Variants in FAM220A observed in about 807,000 individuals in gnomAD.
FAM220A encodes the protein protein FAM220A.
For synonymous variants in FAM220A, 141 were observed against 130.7 expected, an observed-to-expected ratio of 1.08 and a Z score of -0.54; for missense variants, 392 against 321.6, an observed-to-expected ratio of 1.22 and a Z score of -1.68.
chr7:6,342,419 C>G (rs12056244), intron 1 of FAM220A, among the ~76,000 whole-genome samples: 1 of 151,934 alleles, frequency 6.6e-6, no homozygotes, highest in African/African-American at 2.4e-5. Flanking sequence ...GTGGTAGGCA[C>G]CTGTAATCCC....
intron 1 of FAM220A, among the ~76,000 whole-genome samples, chr7:6,335,835 G>C (rs1277156953): frequency 6.6e-6 from 1 of 152,036 alleles, no homozygotes; most frequent in Non-Finnish European, 1.5e-5. Flanking sequence ...AGGGGTGTGA[G>C]ACCAGCCTGG....
rs375783206 is a variant in FAM220A at position 6,330,948 on chromosome 7, C to A, written c.207G>T (p.Pro69=). The change falls in exon 2 of 2, where the codon CCG becomes CCT. Residue 69 remains proline (P), a synonymous_variant. Transcript: ENST00000313324. ...EALSLEMRKD[P]SGAGLWLHSG... is the part of the protein sequence containing the mutation. Reference sequence around the variant, plus strand: ...TGTGAAGCCAGAGGCCAGCCCCGCTCGGATCCTTTCTCATTTCCAGTGATA... The same window carrying A: ...TGTGAAGCCAGAGGCCAGCCCCGCTAGGATCCTTTCTCATTTCCAGTGATA... The A allele has an allele frequency of 1.2e-6, 2 of 1,614,246 alleles. No homozygotes were observed. The highest frequency in any genetic ancestry group is 2.2e-5 in the South Asian group (2 of 91,084).
Position 6,330,401 on chromosome 7 carries a change from A to G in FAM220A, c.754T>C (p.Leu252=). The G allele has an allele frequency of 6.2e-7, 1 of 1,613,450 alleles. No individual in the cohort carries two copies. Among genetic ancestry groups the G allele is most frequent in the South Asian group, 1.1e-5 (1 of 90,966 alleles). Residue 252 remains leucine, a synonymous_variant, in exon 2 of 2, where the codon TTA becomes CTA. Transcript: ENST00000313324. The part of the protein sequence containing the change: ...LGLLALQPFE[L]ANTLCHS ...TAACTATGGCATAATGTATTTGCTA[A>G]TTCAAAAGGTTGCAGAGCCAGTAAC...
In FAM220A at chr7:6,331,004, C is replaced by A; in HGVS notation, c.151G>T (p.Val51Leu). 1 of 1,614,220 alleles carries A rather than the reference C, an allele frequency of 6.2e-7. No individual in the cohort carries two copies. The highest frequency in any genetic ancestry group is 8.5e-7 in the Non-Finnish European group (1 of 1,180,050). The change falls in exon 2 of 2, where the codon GTG becomes TTG. Residue 51 changes from valine to leucine, a missense_variant. Coordinates refer to ENST00000313324, the MANE Select transcript of FAM220A (RefSeq NM_001037163.2). The stretch of plus-strand genomic sequence containing the variant: ...TCACTTTGTGAATTTCCATCAACCA[C>A]AGGCTTATTCATCCAGGAGGGTGCA... ...ADAPSWMNKP[V>L]VDGNSQSEAL...
intron 1 of FAM220A, among the ~76,000 whole-genome samples, chr7:6,339,545 G>A (rs867963328): frequency 6.7e-5 from 10 of 150,014 alleles, no homozygotes; most frequent in Middle Eastern, 3.7e-3. Flanking sequence ...GTGCAGTGGA[G>A]CAATCTCAGC....
At position 6,330,980 on chromosome 7, in the gene FAM220A, C is replaced by G. The variant is rs369794490; in HGVS notation, c.175G>C (p.Glu59Gln). Residue 59 changes from glutamate to glutamine, a missense_variant, in exon 2 of 2, where the codon GAG (glutamate) becomes CAG (glutamine). Coordinates refer to ENST00000313324, the MANE Select transcript of FAM220A (RefSeq NM_001037163.2). Reference sequence around the variant, plus strand: ...TTTCTCATTTCCAGTGATAATGCCTCACTTTGTGAATTTCCATCAACCACA... The same window carrying G: ...TTTCTCATTTCCAGTGATAATGCCTGACTTTGTGAATTTCCATCAACCACA... ...KPVVDGNSQSEALSLEMRKDP... is the reference protein window; with the variant it reads ...KPVVDGNSQSQALSLEMRKDP... The G allele has an allele frequency of 5.2e-5, 84 of 1,614,238 alleles. No individual in the cohort carries two copies. The African/African-American group carries it at 1.1e-3, about 21-fold the overall frequency.
At chr7:6,345,311 T>C (rs1269761334) in intron 1 of FAM220A, among the ~76,000 whole-genome samples, 3 of 150,892 alleles carry the variant, frequency 2.0e-5, no homozygotes, top group Admixed American at 1.3e-4. Flanking sequence ...ACTGGGGTCT[T>C]GCTGTGTTGC....
chr7:6,345,688 A>G (rs773700656), intron 1 of FAM220A, among the ~76,000 whole-genome samples: 21 of 152,166 alleles, frequency 1.4e-4, no homozygotes, highest in Non-Finnish European at 2.4e-4. Context: ...AGGGGAGTAC[A>G]GGAGCCAAAT....
chr7:6,347,829 G>C (rs1781981725), intron 1 of FAM220A, among the ~76,000 whole-genome samples: 1 of 150,884 alleles, frequency 6.6e-6, no homozygotes, highest in African/African-American at 2.4e-5. Flanking sequence ...CAAGATGGGA[G>C]GATCTCTTGA....
At chr7:6,334,028 A>G (rs1004432161) in intron 1 of FAM220A, among the ~76,000 whole-genome samples, 7 of 150,824 alleles carry the variant, frequency 4.6e-5, no homozygotes, top group African/African-American at 1.5e-4. Context: ...TCGTATTTTT[A>G]GTAGAGATGG....
Position 6,345,359 on chromosome 7 carries a change from C to T in FAM220A, c.-82+3214G>A, listed in dbSNP as rs144235193. ...GGAACTCCTGGGCTCAAGTGATCCT[C>T]CCACCTCAGTCTCCCAAAGTGCTGG... On this transcript the variant is annotated intron_variant, in intron 1 of 1. Transcript: ENST00000313324. 7.5e-3 allele frequency among the ~76,000 whole-genome samples: 1,142 copies of T among 152,170 alleles called. 7 individuals carry two copies. The highest frequency in any genetic ancestry group is 0.026 in the African/African-American group (1,069 of 41,506).
At chr7:6,333,237 T>C (rs566375856) in intron 1 of FAM220A, among the ~76,000 whole-genome samples, 1 of 149,896 alleles carries the variant, frequency 6.7e-6, no homozygotes, top group South Asian at 2.1e-4. Flanking sequence ...TATTAGAGGC[T>C]GAAGGAGAAA....
At chr7:6,343,801 G>A (rs948015746) in intron 1 of FAM220A, among the ~76,000 whole-genome samples, 1 of 152,058 alleles carries the variant, frequency 6.6e-6, no homozygotes, top group African/African-American at 2.4e-5. Context: ...ATCTAGGGAG[G>A]AGGGGCTCCC....
At position 6,331,033 on chromosome 7, in the gene FAM220A, G is replaced by A; in HGVS notation, c.122C>T (p.Ala41Val). The change falls in exon 2 of 2, where the codon GCA (alanine) becomes GTA (valine). Residue 41 changes from alanine (A) to valine (V), a missense_variant. Physicochemically the swap from Ala to Val is moderately conservative, Grantham distance 64 (BLOSUM62 0). Coordinates refer to ENST00000313324, the MANE Select transcript of FAM220A (RefSeq NM_001037163.2). ...CTTATTCATCCAGGAGGGTGCATCT[G>A]CAGGCCAAGGGCCCTCCGGCATTCT... ...KKRMPEGPWP[A>V]DAPSWMNKPV... 6.2e-7 allele frequency: 1 copy of A among 1,614,036 alleles called. No individual in the cohort carries two copies. The highest frequency in any genetic ancestry group is 2.2e-5 in the East Asian group (1 of 44,884).
intron 1 of FAM220A, among the ~76,000 whole-genome samples, chr7:6,346,195 G>A (rs1781948921): frequency 6.6e-6 from 1 of 152,094 alleles, no homozygotes; most frequent in African/African-American, 2.4e-5. Flanking sequence ...GGAGGGCTCA[G>A]GCCTTCTCGT....
At chr7:6,332,495 T>C (rs951343974) in intron 1 of FAM220A, among the ~76,000 whole-genome samples, 3 of 152,154 alleles carry the variant, frequency 2.0e-5, no homozygotes, top group Non-Finnish European at 4.4e-5. Flanking sequence ...AAATGTAATT[T>C]TGACACATGA....
intron 1 of FAM220A, among the ~76,000 whole-genome samples, chr7:6,337,048 A>G (rs547464266): frequency 6.6e-6 from 1 of 152,050 alleles, no homozygotes; most frequent in South Asian, 2.1e-4. Context: ...ATATTTCAAT[A>G]TATGTTGAAA....
In FAM220A at chr7:6,348,849, C is replaced by T; in HGVS notation, c.-358G>A. The T allele has an allele frequency of 2.6e-6, 1 of 391,466 alleles. No homozygotes were observed. Among genetic ancestry groups the T allele is most frequent in the Non-Finnish European group, 4.5e-6 (1 of 221,834 alleles). The allele number at this position is 391,466 out of a possible 1,614,324, so 24.2% of individuals were successfully genotyped here. On this transcript the variant is annotated 5_prime_UTR_variant, in exon 1 of 2. Transcript: ENST00000313324. ...ACCCTCGCCTGGCGTGCTCAGGGAG[C>T]GAAGGAGGCGGCGGCTAGACCGGCG...
Position 6,330,346 on chromosome 7 carries a change from T to A in FAM220A, c.*29A>T, listed in dbSNP as rs1287267042. Reference sequence around the variant, plus strand: ...ATCATTCTAAGACAACTCTTAAAATTAATCTATTGGTATTGTTCTGCTTGT... The same window carrying A: ...ATCATTCTAAGACAACTCTTAAAATAAATCTATTGGTATTGTTCTGCTTGT... On this transcript the variant is annotated 3_prime_UTR_variant, in exon 2 of 2. Coordinates refer to ENST00000313324, the MANE Select transcript of FAM220A (RefSeq NM_001037163.2). 1 of 1,569,312 alleles carries A rather than the reference T, an allele frequency of 6.4e-7. No individual in the cohort carries two copies. Among genetic ancestry groups the A allele is most frequent in the Non-Finnish European group, 8.6e-7 (1 of 1,157,614 alleles).
Sources: gnomAD v4.1 joint callset for allele counts (sites outside exome capture counted in the v4.1 genomes callset) on GRCh38, gnomAD v4.1.1 for gene constraint, MANE v1.5 for transcripts, NCBI Gene and HGNC (gene_info 2026-07-23, HGNC 2026-07-21) for gene names.